The following FUT8 variants were observed in gnomAD, a reference collection of about 807,000 sequenced individuals.
FUT8 encodes the protein fucosyltransferase 8, also known as alpha-(1,6)-fucosyltransferase.
Under a neutral mutation model 71.3 loss-of-function variants are expected in FUT8, and 29 were observed. The ratio of observed to expected loss-of-function variants is 0.41; its 90% confidence interval spans 0.30 to 0.55. The LOEUF is 0.55. FUT8 is among the 20% of genes least tolerant of loss of function. The pLI, the probability that FUT8 is intolerant of heterozygous loss-of-function variation, is 0.34. For missense variants in FUT8, 544 were observed against 702.1 expected (o/e 0.77, Z 2.55); for synonymous variants, 254 against 239.3 (o/e 1.06, Z -0.57).
chr14:65,457,514 C>A (rs1356934387), intron 2 of FUT8, among the ~76,000 whole-genome samples: 1 of 152,086 alleles, frequency 6.6e-6, no homozygotes, highest in Non-Finnish European at 1.5e-5. Flanking sequence ...CTCTCAGACA[C>A]CGAGTTATAG....
At chr14:65,424,861 T>C (rs1595357926) in intron 1 of FUT8, among the ~76,000 whole-genome samples, 2 of 152,190 alleles carry the variant, frequency 1.3e-5, no homozygotes, top group East Asian at 1.9e-4. Context: ...GGTTTTGCCA[T>C]GTTGCCCTTG....
In FUT8 at chr14:65,676,018, A is replaced by AATAAATAAACAAAAC. The variant is rs1364230719; in HGVS notation, c.835+6544_835+6545insAAACAAAACATAAAT. On this transcript the variant is annotated intron_variant, in intron 7 of 10. Transcript: ENST00000673929. ...TTTCAAAAAAAATAAATAAACAAAA[A>AATAAATAAACAAAAC]ATAAATGTAATAAACAAAACCTGTC... is the stretch of plus-strand genomic sequence containing the variant. Among the ~76,000 whole-genome samples, 553 of 152,230 alleles carry AATAAATAAACAAAAC rather than the reference A, an allele frequency of 3.6e-3. 9 individuals are homozygous for AATAAATAAACAAAAC. Among genetic ancestry groups the AATAAATAAACAAAAC allele is most frequent in the Middle Eastern group, 0.024 (7 of 294 alleles).
chr14:65,531,984 G>T (rs1036055330), intron 2 of FUT8, among the ~76,000 whole-genome samples: 10 of 152,146 alleles, frequency 6.6e-5, no homozygotes, highest in Middle Eastern at 3.4e-3. Flanking sequence ...GTGTTCTGTT[G>T]TGTATATGTA....
At chr14:65,440,557 G>T (rs957768573) in intron 1 of FUT8, among the ~76,000 whole-genome samples, 1 of 152,070 alleles carries the variant, frequency 6.6e-6, no homozygotes, top group African/African-American at 2.4e-5. Flanking sequence ...ATGTTAATTA[G>T]CTTGATTTAA....
intron 3 of FUT8, among the ~76,000 whole-genome samples, chr14:65,579,811 A>G (rs944927772): frequency 2.0e-5 from 3 of 152,036 alleles, no homozygotes; most frequent in Non-Finnish European, 4.4e-5. Context: ...ATTTCTTGCT[A>G]TGCCGTAATC....
chr14:65,370,766 T>C, the FUT8 span, among the ~76,000 whole-genome samples: 1 of 152,038 alleles, frequency 6.6e-6, no homozygotes, highest in East Asian at 1.9e-4. Context: ...AAAAAACAGA[T>C]TAGCAAGAGA....
chr14:65,598,042 G>A lies in FUT8; in HGVS notation c.204-17936G>A, dbSNP rs115243380. Among the ~76,000 whole-genome samples, 750 of 152,054 alleles carry A rather than the reference G, an allele frequency of 4.9e-3. 7 individuals carry two copies. The highest frequency in any genetic ancestry group is 0.017 in the African/African-American group (709 of 41,470). On this transcript the variant is annotated intron_variant, in intron 3 of 10. Coordinates refer to ENST00000673929, the MANE Select transcript of FUT8 (RefSeq NM_001371533.1). ...AATACAATTAGCTGGGCATGGTGGCGTACACATGTAGTTCCCAGCTACTCT... is the reference window on the plus strand; with the variant it reads ...AATACAATTAGCTGGGCATGGTGGCATACACATGTAGTTCCCAGCTACTCT...
At position 65,427,068 on chromosome 14, in the gene FUT8, T is replaced by C. The variant is rs140888920; in HGVS notation, c.-326+13854T>C. Among the ~76,000 whole-genome samples, 313 of 152,250 alleles carry C rather than the reference T, an allele frequency of 2.1e-3. 3 individuals carry two copies. Among genetic ancestry groups the C allele is most frequent in the Admixed American group, 0.016 (250 of 15,292 alleles). On this transcript the variant is annotated intron_variant, in intron 1 of 10. Coordinates refer to ENST00000673929, the MANE Select transcript of FUT8 (RefSeq NM_001371533.1). ...TAGTAGAAACAGGGTTTCACCATGT[T>C]AGCCAGGATGATCTCAATCTCCTGA... is the stretch of plus-strand genomic sequence containing the variant.
intron 5 of FUT8, among the ~76,000 whole-genome samples, chr14:65,624,442 G>A (rs1889788377): frequency 6.6e-6 from 1 of 152,130 alleles, no homozygotes; most frequent in African/African-American, 2.4e-5. Context: ...AAAAAAAGTA[G>A]AGATCAGCTT....
intron 6 of FUT8, chr14:65,646,739 CT>C (rs1891143596): frequency 1.3e-5 from 2 of 152,032 alleles, no homozygotes; most frequent in Admixed American, 6.6e-5. Flanking sequence ...CTCTAATTGC[CT>C]AGCTAAGGGT....
intron 2 of FUT8, among the ~76,000 whole-genome samples, 166 bp downstream of exon 2, chr14:65,455,884 A>G (rs1258681464): frequency 2.0e-5 from 3 of 152,228 alleles, no homozygotes; most frequent in African/African-American, 7.2e-5. Flanking sequence ...ACATTTTCTT[A>G]CTGCCTACTA....
chr14:65,359,947 C>T, the FUT8 span, among the ~76,000 whole-genome samples: 1 of 152,236 alleles, frequency 6.6e-6, no homozygotes, highest in Non-Finnish European at 1.5e-5. Context: ...ATTCTCCTGC[C>T]TCAGCCTCCC....
At chr14:65,488,822 A>G (rs1178088597) in intron 2 of FUT8, among the ~76,000 whole-genome samples, 1 of 152,092 alleles carries the variant, frequency 6.6e-6, no homozygotes, top group African/African-American at 2.4e-5. Flanking sequence ...ATTTAGGATT[A>G]TTGGGGCATT....
chr14:65,557,845 C>T (rs1885677420), intron 2 of FUT8, among the ~76,000 whole-genome samples: 1 of 151,964 alleles, frequency 6.6e-6, no homozygotes, highest in Non-Finnish European at 1.5e-5. Flanking sequence ...CAGAAATTAG[C>T]TGATATATGT....
At chr14:65,475,472 G>A (rs1338900420) in intron 2 of FUT8, among the ~76,000 whole-genome samples, 3 of 152,092 alleles carry the variant, frequency 2.0e-5, no homozygotes, top group African/African-American at 7.2e-5. Flanking sequence ...AAAGTGTCAG[G>A]ATGATGCCTG....
chr14:65,642,577 T>C (rs1321829603), intron 6 of FUT8, among the ~76,000 whole-genome samples: 1 of 132,642 alleles, frequency 7.5e-6, no homozygotes, highest in Non-Finnish European at 1.5e-5. Flanking sequence ...CACTCCAGCC[T>C]GGGTGACAGA....
intron 1 of FUT8, among the ~76,000 whole-genome samples, chr14:65,452,562 GT>G (rs1443938280): frequency 6.6e-6 from 1 of 152,186 alleles, no homozygotes; most frequent in Non-Finnish European, 1.5e-5. Context: ...GGCAGCTAGA[GT>G]TCACAAGGTA....
At chr14:65,575,621 T>C (rs1886724987) in intron 3 of FUT8, among the ~76,000 whole-genome samples, 2 of 141,982 alleles carry the variant, frequency 1.4e-5, no homozygotes, top group Admixed American at 7.2e-5. Context: ...CTTCCTTCCT[T>C]CCTCTTTTTT....
chr14:65,401,055 G>T, the FUT8 span, among the ~76,000 whole-genome samples: 1 of 152,180 alleles, frequency 6.6e-6, no homozygotes, highest in Non-Finnish European at 1.5e-5. Context: ...GAGTCAGTTG[G>T]TGAGAAGCTA....
Sources: allele counts gnomAD v4.1 joint callset (sites outside exome capture counted in the v4.1 genomes callset), GRCh38; gene constraint gnomAD v4.1.1; transcripts MANE v1.5; gene names NCBI Gene and HGNC (gene_info 2026-07-23, HGNC 2026-07-21).